The following CLSTN2 variants were observed in gnomAD, a reference collection of about 807,000 sequenced individuals.
The protein encoded by CLSTN2 is calsyntenin-2.
Under a neutral mutation model 101.2 loss-of-function variants are expected in CLSTN2, and 48 were observed. The observed-to-expected ratio is 0.47, with a 90% CI of 0.38 to 0.60. The LOEUF is 0.60. CLSTN2 is among the 20% of genes least tolerant of loss of function. The pLI, the probability that CLSTN2 is intolerant of heterozygous loss-of-function variation, is 0.00. For synonymous variants in CLSTN2, 481 were observed against 463.6 expected (o/e 1.04, Z -0.48); for missense variants, 1,160 against 1,238.2 (o/e 0.94, Z 0.95).
rs992595809 is a variant in CLSTN2 at position 140,173,263 on chromosome 3, G to A, written c.110-2688G>A. On this transcript the variant is annotated intron_variant, in intron 1 of 16. Coordinates refer to ENST00000458420, the MANE Select transcript of CLSTN2 (RefSeq NM_022131.3). ...TGCAAGTCCAAAATCCAGTGTGGCT[G>A]TCAAATCTTAAAGCTCCAATATGAT... Among the ~76,000 whole-genome samples the A allele has an allele frequency of 3.9e-5, 6 of 152,334 alleles. No homozygotes were observed. The East Asian group carries it at 1.2e-3, about 29-fold the overall frequency.
In CLSTN2 at chr3:140,567,935, C is replaced by A. The variant is rs1181526126; in HGVS notation, c.*1682C>A. On this transcript the variant is annotated 3_prime_UTR_variant, in exon 17 of 17. Coordinates refer to ENST00000458420, the MANE Select transcript of CLSTN2 (RefSeq NM_022131.3). ...TCAACTTTCTGATTCATGAGAACAA[C>A]CTTGTGAAGCTTTTCCCACCTCCTA... 1.3e-5 allele frequency: 2 copies of A among 152,226 alleles called. No homozygotes were observed. The highest frequency in any genetic ancestry group is 2.1e-4 in the South Asian group (1 of 4,824). The allele number at this position is 152,226 out of a possible 1,614,324, so 9.4% of individuals were successfully genotyped here.
chr3:140,079,731 A>G (rs1034028440), intron 1 of CLSTN2, among the ~76,000 whole-genome samples: 5 of 148,040 alleles, frequency 3.4e-5, no homozygotes, highest in Non-Finnish European at 7.4e-5. Flanking sequence ...AGCCTGGACA[A>G]CAGAGTGAGA....
At position 140,233,983 on chromosome 3, in the gene CLSTN2, T is replaced by C. The variant is rs1452824624; in HGVS notation, c.232+57910T>C. Among the ~76,000 whole-genome samples, 5 of 152,220 alleles carry C rather than the reference T, an allele frequency of 3.3e-5. No individual in the cohort carries two copies. The East Asian group carries it at 9.6e-4, about 29-fold the overall frequency. On this transcript the variant is annotated intron_variant, in intron 2 of 16. Coordinates refer to ENST00000458420, the MANE Select transcript of CLSTN2 (RefSeq NM_022131.3). The stretch of plus-strand genomic sequence containing the variant: ...CCACAGTGGCAGAGTTAAGTAGTCA[T>C]GACAGAAACCATATGGCTTGCAAAG...
At chr3:140,521,165 G>T (rs59797378) in intron 8 of CLSTN2, among the ~76,000 whole-genome samples, 16,818 of 139,860 alleles carry the variant, frequency 0.12, 3,091 homozygotes, top group African/African-American at 0.39. Context: ...AACTCAGTTC[G>T]GTGCCCTTGC....
At chr3:140,262,027 T>C (rs2086658359) in intron 2 of CLSTN2, among the ~76,000 whole-genome samples, 1 of 152,182 alleles carries the variant, frequency 6.6e-6, no homozygotes, top group African/African-American at 2.4e-5. Flanking sequence ...ATTTTAGAGT[T>C]GTCCTGTCCT....
chr3:140,125,876 A>T (rs144482340), intron 1 of CLSTN2, among the ~76,000 whole-genome samples: 1 of 152,184 alleles, frequency 6.6e-6, no homozygotes, highest in African/African-American at 2.4e-5. Context: ...TACATGCTGG[A>T]CTAAGCTGAA....
intron 1 of CLSTN2, among the ~76,000 whole-genome samples, chr3:140,123,260 A>G (rs535050852): frequency 6.6e-6 from 1 of 152,052 alleles, no homozygotes; most frequent in Non-Finnish European, 1.5e-5. Context: ...TAGTCCTTTT[A>G]TAAGGCATTA....
chr3:140,213,216 T>C (rs969694206), intron 2 of CLSTN2, among the ~76,000 whole-genome samples: 9 of 152,326 alleles, frequency 5.9e-5, no homozygotes, highest in African/African-American at 1.9e-4. Flanking sequence ...CTAGATTTAG[T>C]ATTATTTTTT....
chr3:140,015,954 G>A (rs1272893550), intron 1 of CLSTN2, among the ~76,000 whole-genome samples: 1 of 152,264 alleles, frequency 6.6e-6, no homozygotes, highest in Non-Finnish European at 1.5e-5. Context: ...CCCTAGGCTA[G>A]GCCGTTCTGG....
At chr3:140,396,797 G>A (rs774809187) in intron 2 of CLSTN2, among the ~76,000 whole-genome samples, 2 of 152,310 alleles carry the variant, frequency 1.3e-5, no homozygotes, top group Non-Finnish European at 2.9e-5. Context: ...GCCGCTCTGA[G>A]GCTGGGAGCA....
chr3:140,452,858 C>T (rs889984826), intron 6 of CLSTN2, among the ~76,000 whole-genome samples: 2 of 152,220 alleles, frequency 1.3e-5, no homozygotes, highest in African/African-American at 2.4e-5. Context: ...CCCCCACCTT[C>T]CTTTGCTCTA....
intron 1 of CLSTN2, among the ~76,000 whole-genome samples, chr3:139,965,692 G>T (rs1935587530): frequency 6.6e-6 from 1 of 152,188 alleles, no homozygotes; most frequent in Admixed American, 6.5e-5. Flanking sequence ...AACCAGGTAA[G>T]ATGGCAGAGC....
chr3:140,263,637 A>G (rs943111529), intron 2 of CLSTN2, among the ~76,000 whole-genome samples: 2 of 152,214 alleles, frequency 1.3e-5, no homozygotes, highest in African/African-American at 2.4e-5. Context: ...TCCCCAAAAA[A>G]CTTACATCTC....
intron 8 of CLSTN2, among the ~76,000 whole-genome samples, chr3:140,521,048 A>AT (rs57840726): frequency 0.19 from 23,201 of 125,394 alleles, 2,466 homozygotes; most frequent in East Asian, 0.39. Context: ...GCTTTTTTGC[A>AT]TTTTTTTTTT....
chr3:140,109,859 A>T (rs2009123804), intron 1 of CLSTN2, among the ~76,000 whole-genome samples: 2 of 152,066 alleles, frequency 1.3e-5, no homozygotes, highest in Admixed American at 1.3e-4. Context: ...TTAACATCCA[A>T]GTGACTTAGT....
chr3:140,496,606 T>C (rs1268441510), intron 8 of CLSTN2, among the ~76,000 whole-genome samples: 1 of 152,220 alleles, frequency 6.6e-6, no homozygotes, highest in East Asian at 1.9e-4. Flanking sequence ...GTGTTTGTCA[T>C]AGATGGCTCT....
intron 2 of CLSTN2, among the ~76,000 whole-genome samples, chr3:140,217,889 A>G (rs1023194957): frequency 2.0e-5 from 3 of 152,216 alleles, no homozygotes; most frequent in African/African-American, 7.2e-5. Context: ...GAAGGAAGAA[A>G]CCAAACCTAA....
In CLSTN2 at chr3:140,566,298, C is replaced by G. The variant is rs993294621; in HGVS notation, c.*45C>G. ...TGGCCCACATGTCCCTTTTGTAAAC[C>G]CTGACCCAGTGTATGCCCATGTCTA... On this transcript the variant is annotated 3_prime_UTR_variant, in exon 17 of 17. Coordinates refer to ENST00000458420, the MANE Select transcript of CLSTN2 (RefSeq NM_022131.3). 1.3e-6 allele frequency: 2 copies of G among 1,529,336 alleles called. No individual in the cohort carries two copies. Among genetic ancestry groups the G allele is most frequent in the Non-Finnish European group, 1.8e-6 (2 of 1,128,332 alleles). The allele number at this position is 1,529,336 out of a possible 1,614,324, so 94.7% of individuals were successfully genotyped here.
At chr3:140,083,778 A>C (rs945697473) in intron 1 of CLSTN2, among the ~76,000 whole-genome samples, 9 of 152,212 alleles carry the variant, frequency 5.9e-5, no homozygotes, top group Non-Finnish European at 1.5e-5. Context: ...TTCTGGTGGT[A>C]GTGCAGCCCA....
Sources: gnomAD v4.1 joint callset for allele counts (sites outside exome capture counted in the v4.1 genomes callset) on GRCh38, gnomAD v4.1.1 for gene constraint, MANE v1.5 for transcripts, NCBI Gene and HGNC (gene_info 2026-07-23, HGNC 2026-07-21) for gene names.